EPSTI1: variants seen among roughly 807,000 people sequenced by gnomAD.
EPSTI1 encodes epithelial-stromal interaction protein 1.
Under a neutral mutation model 49.9 loss-of-function variants are expected in EPSTI1, and 66 were observed. The observed-to-expected ratio is 1.32, with a 90% CI of 1.08 to 1.62. The LOEUF is 1.62. Ranked by LOEUF, EPSTI1 falls within the 40% of genes most tolerant of loss-of-function variation. The probability of loss-of-function intolerance (pLI) is 0.00; values close to 1 mark genes in which losing one functional copy is unlikely to be tolerated. For missense variants in EPSTI1, 394 were observed against 365.5 expected (o/e 1.08, Z -0.64); for synonymous variants, 137 against 130.7 (o/e 1.05, Z -0.33).
At chr13:42,918,445 T>C (rs1281964016) in intron 7 of EPSTI1, among the ~76,000 whole-genome samples, 3 of 152,232 alleles carry the variant, frequency 2.0e-5, no homozygotes, top group Non-Finnish European at 2.9e-5. Context: ...AGCAGCTTCA[T>C]GGCAGCAGGT....
At chr13:42,947,791 T>C (rs930914730) in intron 6 of EPSTI1, among the ~76,000 whole-genome samples, 1 of 152,238 alleles carries the variant, frequency 6.6e-6, no homozygotes, top group Non-Finnish European at 1.5e-5. Flanking sequence ...CAAATGTGGC[T>C]TATCTCCTAC....
At chr13:42,916,514 A>G (rs762370945) in intron 8 of EPSTI1, among the ~76,000 whole-genome samples, 2 of 152,218 alleles carry the variant, frequency 1.3e-5, no homozygotes, top group Non-Finnish European at 2.9e-5. Flanking sequence ...TAGCAACACT[A>G]ATGAATACAA....
rs1188982641 is a variant in EPSTI1 at position 42,900,330 on chromosome 13, G to GCTGAACC, written c.794_795insGGTTCAG (p.Ile265MetfsTer7). 6.2e-7 allele frequency: 1 copy of GCTGAACC among 1,613,608 alleles called. No homozygotes were observed. Among genetic ancestry groups the GCTGAACC allele is most frequent in the Non-Finnish European group, 8.5e-7 (1 of 1,179,702 alleles). ...TTTACCTCCTGTGTTCAGTCTGGTG[G>GCTGAACC]ATTTTGGCTCTTTCTTGCTCTTGCT... On this transcript the variant is annotated frameshift_variant, in exon 9 of 11. Transcript: ENST00000313624. LOFTEE classifies it high-confidence loss of function.
intron 7 of EPSTI1, among the ~76,000 whole-genome samples, chr13:42,924,193 A>G (rs1441926156): frequency 6.6e-6 from 1 of 152,358 alleles, no homozygotes; most frequent in African/African-American, 2.4e-5. Flanking sequence ...ATATGGGTAA[A>G]AAGTCAATTA....
chr13:42,921,032 A>G (rs754672972), intron 7 of EPSTI1, among the ~76,000 whole-genome samples: 8 of 152,184 alleles, frequency 5.3e-5, no homozygotes, highest in Non-Finnish European at 1.2e-4. Flanking sequence ...AAAATCTCTA[A>G]AGTTAGAAGA....
At chr13:42,941,510 C>A (rs966243872) in intron 6 of EPSTI1, among the ~76,000 whole-genome samples, 1 of 151,326 alleles carries the variant, frequency 6.6e-6, no homozygotes, top group Non-Finnish European at 1.5e-5. Flanking sequence ...AGTCCCCCTA[C>A]GTGGGAGGCT....
intron 7 of EPSTI1, among the ~76,000 whole-genome samples, chr13:42,921,378 C>T (rs887982364): frequency 3.3e-5 from 5 of 152,044 alleles, no homozygotes; most frequent in Non-Finnish European, 2.9e-5. Context: ...TTGGAATAGT[C>T]ATCAATAAAA....
chr13:42,934,656 T>G (rs1381503669), intron 6 of EPSTI1: 1 of 159,524 alleles, frequency 6.3e-6, no homozygotes, highest in Non-Finnish European at 1.4e-5. Context: ...GGTCCTGAGC[T>G]TTCTCCTGGG....
At position 42,888,366 on chromosome 13, in the gene EPSTI1, G is replaced by A. The variant is rs764396320; in HGVS notation, c.*128C>T. ...AGAAGCCAGTCACTCCTGACTGCAC[G>A]GTCAAGTGTGTGGGCAGTTGAAATT... On this transcript the variant is annotated 3_prime_UTR_variant, in exon 11 of 11. Transcript: ENST00000313624. 1.6e-5 allele frequency: 26 copies of A among 1,614,042 alleles called. No homozygotes were observed. Among genetic ancestry groups the A allele is most frequent in the Non-Finnish European group, 1.9e-5 (22 of 1,180,030 alleles).
intron 8 of EPSTI1, among the ~76,000 whole-genome samples, chr13:42,914,354 T>C (rs1035449012): frequency 6.6e-5 from 10 of 152,152 alleles, no homozygotes; most frequent in African/African-American, 2.4e-4. Flanking sequence ...ACTCAATACA[T>C]GTTTGCCAAT....
chr13:42,936,538 C>A (rs2038570798), intron 6 of EPSTI1, among the ~76,000 whole-genome samples: 1 of 152,180 alleles, frequency 6.6e-6, no homozygotes, highest in Non-Finnish European at 1.5e-5. Flanking sequence ...TGATACCACA[C>A]TCTTAATTTG....
chr13:42,968,080 C>T (rs2039667567), intron 3 of EPSTI1, among the ~76,000 whole-genome samples: 1 of 152,140 alleles, frequency 6.6e-6, no homozygotes, highest in South Asian at 2.1e-4. Flanking sequence ...GACCAAAAAG[C>T]TTTAATTTCT....
At chr13:42,890,734 T>C (rs2037013524) in intron 10 of EPSTI1, among the ~76,000 whole-genome samples, 1 of 152,214 alleles carries the variant, frequency 6.6e-6, no homozygotes, top group Non-Finnish European at 1.5e-5. Context: ...CAAGCCTTTT[T>C]TTCTTCTAAT....
chr13:42,913,458 A>G (rs2037743663), intron 8 of EPSTI1, among the ~76,000 whole-genome samples: 1 of 152,248 alleles, frequency 6.6e-6, no homozygotes, highest in East Asian at 1.9e-4. Flanking sequence ...TTAAATACAA[A>G]AAGTAGTATA....
chr13:42,963,896 C>T (rs1327880303), intron 4 of EPSTI1, among the ~76,000 whole-genome samples, 170 bp downstream of exon 4: 1 of 152,118 alleles, frequency 6.6e-6, no homozygotes, highest in African/African-American at 2.4e-5. Flanking sequence ...TGAAGGTATC[C>T]ATCTCTTCAC....
chr13:42,892,085 CAG>C (rs1238755037), intron 10 of EPSTI1, among the ~76,000 whole-genome samples: 1 of 152,026 alleles, frequency 6.6e-6, no homozygotes, highest in African/African-American at 2.4e-5. Flanking sequence ...ATAGTGTAGA[CAG>C]AGCACCCAGT....
intron 8 of EPSTI1, among the ~76,000 whole-genome samples, chr13:42,901,664 T>A (rs1291026556): frequency 1.3e-5 from 2 of 152,230 alleles, no homozygotes; most frequent in Non-Finnish European, 2.9e-5. Flanking sequence ...TGAAAGAAGC[T>A]CCTGTCCTCT....
chr13:42,972,573 T>C (rs1039647498), intron 1 of EPSTI1, among the ~76,000 whole-genome samples: 2 of 152,248 alleles, frequency 1.3e-5, no homozygotes, highest in Non-Finnish European at 2.9e-5. Flanking sequence ...ATCAGTTTTC[T>C]GTCTGCAGCT....
At position 42,887,656 on chromosome 13, in the gene EPSTI1, G is replaced by C. The variant is rs1005595749; in HGVS notation, c.*838C>G. 1 of 152,282 alleles carries C rather than the reference G, an allele frequency of 6.6e-6. No individual in the cohort carries two copies. Among genetic ancestry groups the C allele is most frequent in the Non-Finnish European group, 1.5e-5 (1 of 68,102 alleles). The allele number at this position is 152,282 out of a possible 1,614,324, so 9.4% of individuals were successfully genotyped here. A position where few individuals can be genotyped will look rare whatever the true frequency, so the allele number is the denominator to read the frequency against. On this transcript the variant is annotated 3_prime_UTR_variant, in exon 11 of 11. Coordinates refer to ENST00000313624, the MANE Select transcript of EPSTI1 (RefSeq NM_033255.5). ...GTCTGAGAACTGGTTCAGGGTCACA[G>C]AAGTGAATAAGAAAGCCAACTGAAC...
Sources: gnomAD v4.1 joint callset for allele counts (sites outside exome capture counted in the v4.1 genomes callset) on GRCh38, gnomAD v4.1.1 for gene constraint, MANE v1.5 for transcripts, NCBI Gene and HGNC (gene_info 2026-07-23, HGNC 2026-07-21) for gene names.